Variants in CACNA1C observed in about 807,000 individuals in gnomAD.
CACNA1C encodes voltage-dependent L-type calcium channel subunit alpha-1C.
A neutral mutation model predicts 229.0 loss-of-function variants in CACNA1C; 30 were observed. The ratio of observed to expected loss-of-function variants is 0.13; its 90% CI spans 0.10 to 0.18. The LOEUF is 0.18. Among genes scored for constraint, CACNA1C ranks in the 10% least tolerant of loss-of-function variants. The probability of loss-of-function intolerance (pLI) is 1.00; values close to 1 mark genes in which losing one functional copy is unlikely to be tolerated. For missense variants in CACNA1C, 1,658 were observed against 2,845.0 expected (o/e 0.58, Z 9.49); for synonymous variants, 1,114 against 1,132.5 (o/e 0.98, Z 0.33).
intron 29 of CACNA1C, among the ~76,000 whole-genome samples, chr12:2,618,680 G>A (rs898605016): frequency 1.3e-5 from 2 of 152,222 alleles, no homozygotes; most frequent in African/African-American, 2.4e-5. Flanking sequence ...GAGAGACTCC[G>A]ATGTCCACAG....
At chr12:2,150,190 C>T (rs1351848447) in intron 3 of CACNA1C, among the ~76,000 whole-genome samples, 1 of 152,176 alleles carries the variant, frequency 6.6e-6, no homozygotes, top group Admixed American at 6.5e-5. Flanking sequence ...TTTGGCTGGC[C>T]TGGAGCTTGC....
At chr12:2,447,707 G>A (rs949186788) in intron 3 of CACNA1C, among the ~76,000 whole-genome samples, 2 of 152,240 alleles carry the variant, frequency 1.3e-5, no homozygotes, top group African/African-American at 4.8e-5. Flanking sequence ...CCCTGCCTTG[G>A]AGGAACCTTC....
At chr12:2,551,884 C>T (rs775093391) in intron 10 of CACNA1C, among the ~76,000 whole-genome samples, 22 of 151,964 alleles carry the variant, frequency 1.4e-4, no homozygotes, top group Admixed American at 7.2e-4. Flanking sequence ...AGCAGGAGCC[C>T]AGTTGGAGTG....
intron 10 of CACNA1C, among the ~76,000 whole-genome samples, chr12:2,555,301 G>A (rs536873217): frequency 1.3e-5 from 2 of 152,260 alleles, no homozygotes; most frequent in Non-Finnish European, 2.9e-5. Context: ...CATGGCAAAG[G>A]GCCGGTGGTC....
At chr12:2,636,209 G>A (rs1203497951) in intron 30 of CACNA1C, among the ~76,000 whole-genome samples, 2 of 152,162 alleles carry the variant, frequency 1.3e-5, no homozygotes, top group African/African-American at 2.4e-5. Context: ...CAGAGGGGCC[G>A]AGAGCCCCAC....
intron 3 of CACNA1C, among the ~76,000 whole-genome samples, chr12:2,379,804 G>A (rs1314865762): frequency 6.6e-6 from 1 of 151,720 alleles, no homozygotes; most frequent in Admixed American, 6.6e-5. Context: ...GGCCGAGGCG[G>A]GCGGATCACG....
intron 3 of CACNA1C, among the ~76,000 whole-genome samples, chr12:2,361,594 A>G (rs574258568): frequency 6.6e-6 from 1 of 152,298 alleles, no homozygotes; most frequent in Admixed American, 6.5e-5. Context: ...GATGGAAGCC[A>G]AGCATTGAGG....
intron 4 of CACNA1C, among the ~76,000 whole-genome samples, chr12:2,454,181 A>C (rs4765935): frequency 0.75 from 113,604 of 152,146 alleles, 43,044 homozygotes; most frequent in East Asian, 0.88. Context: ...CTTGAGGACA[A>C]GGGCTCTTGG....
At chr12:2,216,269 T>C (rs1371250668) in intron 3 of CACNA1C, among the ~76,000 whole-genome samples, 1 of 152,212 alleles carries the variant, frequency 6.6e-6, no homozygotes, top group Non-Finnish European at 1.5e-5. Context: ...GCCCCTCTTA[T>C]TGTCCCTACT....
intron 3 of CACNA1C, among the ~76,000 whole-genome samples, chr12:2,122,988 C>G (rs1018198037): frequency 2.6e-5 from 4 of 152,128 alleles, no homozygotes; most frequent in African/African-American, 9.7e-5. Flanking sequence ...GCAGGGATGC[C>G]GATGATTAGT....
chr12:2,477,997 A>G (rs1167325932), intron 5 of CACNA1C, among the ~76,000 whole-genome samples: 1 of 152,090 alleles, frequency 6.6e-6, no homozygotes, highest in Non-Finnish European at 1.5e-5. Flanking sequence ...ACAGGTGTGG[A>G]TGCATGTACT....
At chr12:2,008,045 G>A (rs764333728) in intron 1 of CACNA1C, among the ~76,000 whole-genome samples, 2 of 152,090 alleles carry the variant, frequency 1.3e-5, no homozygotes, top group African/African-American at 4.8e-5. Flanking sequence ...CAAGAAATTG[G>A]GCTTTGAGTT....
rs112713757 is a variant in CACNA1C at position 2,178,663 on chromosome 12, G to A, written c.477+58233G>A. ...AGACTCTCCGACTTCCTTCATGACC[G>A]GGTTCCCACTCGGGAGCCTTTGGAA... On this transcript the variant is annotated intron_variant, in intron 3 of 46. Transcript: ENST00000399655. Among the ~76,000 whole-genome samples the A allele has an allele frequency of 6.4e-3, 976 of 152,212 alleles. 10 individuals carry two copies. The highest frequency in any genetic ancestry group is 0.034 in the South Asian group (166 of 4,812).
rs867456818 is a variant in CACNA1C at position 2,653,558 on chromosome 12, G to T, written c.4075-277G>T. On this transcript the variant is annotated intron_variant, in intron 32 of 46. Transcript: ENST00000399655. The surrounding 1 kb of genome is among the most constrained non-coding windows in gnomAD (Gnocchi z 4.7). ...CACCGCACATGTGTAGTCGGAGGAG[G>T]TTTTGCTCGTTCTTGATTGTTTTGC... 6.6e-6 allele frequency among the ~76,000 whole-genome samples: 1 copy of T among 152,116 alleles called. No homozygotes were observed. Among genetic ancestry groups the T allele is most frequent in the Non-Finnish European group, 1.5e-5 (1 of 68,022 alleles).
chr12:2,365,170 G>C (rs1285093387), intron 3 of CACNA1C, among the ~76,000 whole-genome samples: 1 of 152,172 alleles, frequency 6.6e-6, no homozygotes, highest in East Asian at 1.9e-4. Flanking sequence ...CGTGTGTAGG[G>C]GCCAGAGAAG....
At chr12:2,356,108 G>C (rs867991989) in intron 3 of CACNA1C, among the ~76,000 whole-genome samples, 1 of 152,216 alleles carries the variant, frequency 6.6e-6, no homozygotes, top group African/African-American at 2.4e-5. Context: ...CCTGCAGATC[G>C]TTAGGCAAAT....
chr12:2,030,015 T>G (rs1323215630), intron 1 of CACNA1C, among the ~76,000 whole-genome samples: 1 of 152,236 alleles, frequency 6.6e-6, no homozygotes, highest in East Asian at 1.9e-4. Context: ...TCAGCACCTT[T>G]GCTGTCAGCT....
chr12:2,550,457 A>G, intron 10 of CACNA1C: 1 of 1,130,972 alleles, frequency 8.8e-7, no homozygotes, highest in South Asian at 1.3e-5. Flanking sequence ...GATAAATGTG[A>G]CCTGGGAGAG....
In CACNA1C at chr12:2,681,831, G is replaced by A. The variant is rs1239173403; in HGVS notation, c.5445-719G>A. 9 of 690,388 alleles carry A rather than the reference G, an allele frequency of 1.3e-5. No homozygotes were observed. In the Admixed American group the frequency reaches 1.4e-4, roughly 11 times the overall value. 42.8% of individuals were successfully genotyped at this position (690,388 alleles called of 1,614,324 possible). On this transcript the variant is annotated intron_variant, in intron 42 of 46. Coordinates refer to ENST00000399655, the MANE Select transcript of CACNA1C (RefSeq NM_000719.7). ...GCCCTCAGGGGTCTGAGGATAAAGT[G>A]GGCCCAGCATGCAAGGTCTATAGAA...
Sources: gnomAD v4.1 joint callset for allele counts (sites outside exome capture counted in the v4.1 genomes callset) on GRCh38, gnomAD v4.1.1 for gene constraint, Gnocchi (gnomAD v3.1) non-coding constraint, MANE v1.5 for transcripts, NCBI Gene and HGNC (gene_info 2026-07-23, HGNC 2026-07-21) for gene names.